Variants in CAP2 observed in about 807,000 individuals in gnomAD.
CAP2 encodes the protein adenylyl cyclase-associated protein 2.
CAP2 carries 24 observed loss-of-function variants against 57.7 expected under a neutral mutation model. The ratio of observed to expected loss-of-function variants is 0.42; its 90% confidence interval spans 0.30 to 0.58. CAP2 has a LOEUF of 0.58. Among genes scored for constraint, CAP2 ranks in the 20% least tolerant of loss-of-function variants. The pLI is 0.22. For synonymous variants in CAP2, 194 were observed against 207.2 expected, an observed-to-expected ratio of 0.94 and a Z score of 0.55; for missense variants, 501 against 590.3, an observed-to-expected ratio of 0.85 and a Z score of 1.57.
At chr6:17,440,769 C>G (rs570262180) in intron 3 of CAP2, among the ~76,000 whole-genome samples, 13 of 151,462 alleles carry the variant, frequency 8.6e-5, no homozygotes, top group African/African-American at 2.7e-4. Flanking sequence ...TTGCTGCACC[C>G]ATTAACTCGT....
chr6:17,461,143 T>C (rs1352083830), intron 3 of CAP2, among the ~76,000 whole-genome samples: 1 of 151,404 alleles, frequency 6.6e-6, no homozygotes, highest in Admixed American at 6.6e-5. Flanking sequence ...AGTGAGACCA[T>C]GTCTCTAAAA....
chr6:17,486,726 C>A (rs563597321), intron 4 of CAP2, among the ~76,000 whole-genome samples: 13 of 152,290 alleles, frequency 8.5e-5, no homozygotes, highest in Middle Eastern at 3.4e-3. Context: ...TGTTTAAAGC[C>A]TAGGGATCTA....
At chr6:17,525,555 T>C (rs1178496573) in intron 7 of CAP2, among the ~76,000 whole-genome samples, 1 of 152,160 alleles carries the variant, frequency 6.6e-6, no homozygotes, top group Admixed American at 6.6e-5. Flanking sequence ...CCTTCCATCC[T>C]CAGCGGCTGC....
At chr6:17,457,498 C>T (rs1561790693) in intron 3 of CAP2, among the ~76,000 whole-genome samples, 2 of 152,210 alleles carry the variant, frequency 1.3e-5, no homozygotes, top group Admixed American at 6.5e-5. Context: ...AATGAAAGTC[C>T]TTTGACATGT....
At chr6:17,452,105 G>A (rs1760419729) in intron 3 of CAP2, among the ~76,000 whole-genome samples, 1 of 152,190 alleles carries the variant, frequency 6.6e-6, no homozygotes, top group African/African-American at 2.4e-5. Flanking sequence ...TGTGCTGACT[G>A]TGTGTGTAGG....
chr6:17,485,296 A>C (rs1333274296), intron 4 of CAP2, among the ~76,000 whole-genome samples: 1 of 152,160 alleles, frequency 6.6e-6, no homozygotes, highest in Non-Finnish European at 1.5e-5. Flanking sequence ...GTGCATAGTA[A>C]TGTTATATGC....
chr6:17,531,524 T>C, intron 7 of CAP2: 1 of 1,524,506 alleles, frequency 6.6e-7, no homozygotes, highest in South Asian at 1.1e-5. Context: ...AAGCATCTTT[T>C]GGACAAACTT....
intron 7 of CAP2, among the ~76,000 whole-genome samples, chr6:17,530,526 C>T (rs1019685451): frequency 6.6e-6 from 1 of 151,940 alleles, no homozygotes; most frequent in Non-Finnish European, 1.5e-5. Flanking sequence ...AACTGACAAA[C>T]AAAAGGGAGT....
chr6:17,465,967 C>G (rs1050371441), intron 4 of CAP2, among the ~76,000 whole-genome samples: 1 of 152,102 alleles, frequency 6.6e-6, no homozygotes, highest in African/African-American at 2.4e-5. Context: ...CTCCCAGATT[C>G]CTTAGTTGCA....
intron 11 of CAP2, among the ~76,000 whole-genome samples, chr6:17,544,124 C>CAAAAAAAAAA (rs370684072): frequency 2.2e-4 from 24 of 107,210 alleles, no homozygotes; most frequent in African/African-American, 9.3e-4. Flanking sequence ...GACTCTGTCT[C>CAAAAAAAAAA]AAAAAAAAAA....
chr6:17,421,433 T>TA (rs970788411), intron 1 of CAP2, 122 bp from the exon 2 acceptor site: 7 of 966,724 alleles, frequency 7.2e-6, no homozygotes, highest in Non-Finnish European at 9.5e-6. Context: ...GGTTAAAAAA[T>TA]AAAAATAAAG....
At chr6:17,531,255 G>A in intron 7 of CAP2, 2 of 807,618 alleles carry the variant, frequency 2.5e-6, no homozygotes, top group Non-Finnish European at 4.4e-6. Flanking sequence ...CATGTTAACT[G>A]AAGCCTTGTT....
At chr6:17,470,164 A>C (rs116176610) in intron 4 of CAP2, among the ~76,000 whole-genome samples, 2,805 of 152,256 alleles carry the variant, frequency 0.018, 51 homozygotes, top group Non-Finnish European at 0.03. Flanking sequence ...AAGTTTGAGA[A>C]TCTTCTATCT....
At chr6:17,548,305 T>A (rs1581614846) in intron 11 of CAP2, among the ~76,000 whole-genome samples, 1 of 151,096 alleles carries the variant, frequency 6.6e-6, no homozygotes, top group East Asian at 2.0e-4. Context: ...AGGCGGAGGT[T>A]GCAGTGAGCC....
In CAP2 at chr6:17,542,833, C is replaced by T; in HGVS notation, c.1003-4C>T. The T allele has an allele frequency of 1.2e-6, 2 of 1,605,940 alleles. No homozygotes were observed. The highest frequency in any genetic ancestry group is 8.5e-7 in the Non-Finnish European group (1 of 1,174,882). On this transcript the variant is annotated splice_region_variant and splice_polypyrimidine_tract_variant and intron_variant, in intron 9 of 12. Transcript: ENST00000229922. ...TTTAATATTTGTATTTGTCTTAATT[C>T]TAGGAGTACCAAGAGGACAGGAATG... is the stretch of plus-strand genomic sequence containing the variant.
intron 4 of CAP2, among the ~76,000 whole-genome samples, chr6:17,503,982 G>C (rs1441247074): frequency 6.6e-6 from 1 of 152,200 alleles, no homozygotes; most frequent in Non-Finnish European, 1.5e-5. Context: ...GTAATGGATA[G>C]CTAAAAAGTC....
intron 4 of CAP2, among the ~76,000 whole-genome samples, chr6:17,468,095 C>T (rs1448569159): frequency 2.0e-5 from 3 of 152,086 alleles, no homozygotes; most frequent in African/African-American, 4.8e-5. Flanking sequence ...GCTTATTTCA[C>T]GTAACATAAC....
chr6:17,398,252 A>G (rs7748384), intron 1 of CAP2, among the ~76,000 whole-genome samples: 41,680 of 152,038 alleles, frequency 0.27, 5,820 homozygotes, highest in South Asian at 0.35. Flanking sequence ...GTACATGAAT[A>G]GTTACTAAAC....
intron 4 of CAP2, among the ~76,000 whole-genome samples, chr6:17,501,273 T>G (rs1454785435): frequency 3.3e-5 from 5 of 152,222 alleles, no homozygotes; most frequent in Non-Finnish European, 7.3e-5. Flanking sequence ...AGTAATTACA[T>G]CTACACTTGA....
Sources: allele counts gnomAD v4.1 joint callset (sites outside exome capture counted in the v4.1 genomes callset), GRCh38; gene constraint gnomAD v4.1.1; transcripts MANE v1.5; gene names NCBI Gene and HGNC (gene_info 2026-07-23, HGNC 2026-07-21).